The following TIAM1 variants were observed in gnomAD, a reference collection of about 807,000 sequenced individuals.
The protein encoded by TIAM1 is TIAM Rac1 associated GEF 1.
In TIAM1, 65 loss-of-function variants were observed where a neutral mutation model predicts 163.5. That is an observed-to-expected ratio of 0.40 (90% CI 0.33 to 0.49). The LOEUF is 0.49. Among genes scored for constraint, TIAM1 ranks in the 20% least tolerant of loss-of-function variants. The probability of loss-of-function intolerance (pLI) is 0.77; values close to 1 mark genes in which losing one functional copy is unlikely to be tolerated. For synonymous variants in TIAM1, 833 were observed against 810.1 expected (o/e 1.03, Z -0.48); for missense variants, 1,789 against 2,044.7 (o/e 0.87, Z 2.41).
chr21:31,351,284 A>G (rs2076229923), intron 2 of TIAM1, among the ~76,000 whole-genome samples: 1 of 152,188 alleles, frequency 6.6e-6, no homozygotes, highest in African/African-American at 2.4e-5. Flanking sequence ...CTCACATAAT[A>G]AAACCATGAC....
At chr21:31,334,045 A>G (rs845945) in intron 2 of TIAM1, among the ~76,000 whole-genome samples, 42,139 of 152,102 alleles carry the variant, frequency 0.28, 5,969 homozygotes, top group East Asian at 0.48. Context: ...GTAGAGGTGA[A>G]AATCGGAAAC....
upstream of TIAM1, among the ~76,000 whole-genome samples, chr21:31,345,228 T>C (rs1325649623): frequency 6.6e-6 from 1 of 152,152 alleles, no homozygotes; most frequent in Non-Finnish European, 1.5e-5. Context: ...ATTATCATTT[T>C]ATAAGGTTAA....
chr21:31,165,113 T>G lies in TIAM1; in HGVS notation c.2888-48A>C, dbSNP rs1258244588. 1.9e-6 allele frequency: 3 copies of G among 1,575,706 alleles called. No individual in the cohort carries two copies. In the East Asian group the frequency reaches 6.7e-5, roughly 35 times the overall value. On this transcript the variant is annotated intron_variant, in intron 15 of 27. Coordinates refer to ENST00000541036, the MANE Select transcript of TIAM1 (RefSeq NM_001353694.2). Reference sequence around the variant, plus strand: ...AATGTGGGTCAACATGGACAGTAATTGCTAAAAGCCACCCCTGTGTGAGGG... The same window carrying G: ...AATGTGGGTCAACATGGACAGTAATGGCTAAAAGCCACCCCTGTGTGAGGG...
chr21:31,524,405 G>A (rs552629926), intron 1 of TIAM1, among the ~76,000 whole-genome samples: 9 of 152,098 alleles, frequency 5.9e-5, no homozygotes, highest in African/African-American at 1.2e-4. Context: ...AGAGGGATCC[G>A]CCCCCACAAC....
chr21:31,269,526 T>G (rs1344723418), intron 3 of TIAM1, among the ~76,000 whole-genome samples: 1 of 152,192 alleles, frequency 6.6e-6, no homozygotes, highest in Non-Finnish European at 1.5e-5. Context: ...TGAAAGCCCA[T>G]GTGGGATCAG....
At chr21:31,228,237 A>ATT (rs1569068784) in intron 6 of TIAM1, among the ~76,000 whole-genome samples, 1 of 47,672 alleles carries the variant, frequency 2.1e-5, no homozygotes, top group African/African-American at 4.1e-5. Flanking sequence ...AAAAAAAAAA[A>ATT]AAAAAAAAAA....
intron 2 of TIAM1, among the ~76,000 whole-genome samples, chr21:31,442,912 C>T (rs1016768729): frequency 9.2e-5 from 14 of 152,168 alleles, no homozygotes; most frequent in African/African-American, 2.2e-4. Flanking sequence ...AAATATGAGA[C>T]GGCCAGGACC....
chr21:31,241,228 A>G (rs986874125), intron 6 of TIAM1, among the ~76,000 whole-genome samples: 2 of 152,322 alleles, frequency 1.3e-5, no homozygotes, highest in African/African-American at 4.8e-5. Context: ...GTCTTAGTGA[A>G]TTGACTAATA....
intron 2 of TIAM1, among the ~76,000 whole-genome samples, chr21:31,429,969 G>A (rs1306904229): frequency 1.3e-5 from 2 of 152,020 alleles, no homozygotes; most frequent in Non-Finnish European, 2.9e-5. Flanking sequence ...ACTTTGGGAG[G>A]CCTAGGCAGG....
chr21:31,250,275 A>G (rs2071728316), intron 5 of TIAM1, among the ~76,000 whole-genome samples: 1 of 152,138 alleles, frequency 6.6e-6, no homozygotes, highest in African/African-American at 2.4e-5. Flanking sequence ...GCCTTAAATC[A>G]TCTATTTTTG....
At chr21:31,413,892 C>A (rs567635261) in intron 2 of TIAM1, among the ~76,000 whole-genome samples, 1 of 152,086 alleles carries the variant, frequency 6.6e-6, no homozygotes, top group Non-Finnish European at 1.5e-5. Flanking sequence ...CCAGTCCCCC[C>A]GCAACACGAG....
Position 31,483,678 on chromosome 21 carries a change from C to G in TIAM1, c.-421-19643G>C, listed in dbSNP as rs190291861. On this transcript the variant is annotated intron_variant, in intron 1 of 28. Transcript: ENST00000286827. ...AGAAAAATGAGACACTATCATCAAT[C>G]TAGCTGATATCGCAAGAGGCACTGC... Among the ~76,000 whole-genome samples, 151 of 152,166 alleles carry G rather than the reference C, an allele frequency of 9.9e-4. 1 individual carries two copies. Among genetic ancestry groups the G allele is most frequent in the Admixed American group, 8.7e-3 (133 of 15,282 alleles).
chr21:31,477,474 ATTTTTT>A (rs58353334), intron 1 of TIAM1, among the ~76,000 whole-genome samples: 1 of 132,176 alleles, frequency 7.6e-6, no homozygotes, highest in Non-Finnish European at 1.6e-5. Flanking sequence ...AACTAAATGC[ATTTTTT>A]TTTTTTTTTT....
intron 2 of TIAM1, among the ~76,000 whole-genome samples, chr21:31,350,065 T>C (rs1199070615): frequency 6.6e-6 from 1 of 152,192 alleles, no homozygotes; most frequent in Non-Finnish European, 1.5e-5. Flanking sequence ...GGTGCTATTT[T>C]GGCAAAAAGT....
At chr21:31,470,069 T>C (rs1425631699) in intron 1 of TIAM1, among the ~76,000 whole-genome samples, 1 of 149,548 alleles carries the variant, frequency 6.7e-6, no homozygotes, top group African/African-American at 2.5e-5. Flanking sequence ...AGTGGCGCGA[T>C]CTCAGCTCAC....
chr21:31,186,953 C>G (rs765456973), intron 14 of TIAM1, 48 bp downstream of exon 14: 1 of 1,528,188 alleles, frequency 6.5e-7, no homozygotes, highest in African/African-American at 1.4e-5. Flanking sequence ...TAGAGAAGCC[C>G]CAAAGGGCAT....
intron 2 of TIAM1, among the ~76,000 whole-genome samples, chr21:31,409,576 A>T (rs887322958): frequency 5.3e-5 from 8 of 152,102 alleles, no homozygotes; most frequent in African/African-American, 1.9e-4. Context: ...ACAGGACTCC[A>T]TGCTCAGCTC....
chr21:31,276,385 A>G (rs1268298298), intron 3 of TIAM1, among the ~76,000 whole-genome samples: 2 of 152,246 alleles, frequency 1.3e-5, no homozygotes, highest in Non-Finnish European at 2.9e-5. Flanking sequence ...GAAACAAAAC[A>G]TATCATTGTT....
At chr21:31,545,087 C>A (rs1486142641) in intron 1 of TIAM1, among the ~76,000 whole-genome samples, 1 of 152,112 alleles carries the variant, frequency 6.6e-6, no homozygotes, top group African/African-American at 2.4e-5. Flanking sequence ...AGGGTCTTTG[C>A]AGATATAATC....
Sources: gnomAD v4.1 joint callset for allele counts (sites outside exome capture counted in the v4.1 genomes callset) on GRCh38, gnomAD v4.1.1 for gene constraint, MANE v1.5 for transcripts, NCBI Gene and HGNC (gene_info 2026-07-23, HGNC 2026-07-21) for gene names.